Variants in GRIP1 observed in about 807,000 individuals in gnomAD.
GRIP1 encodes the protein glutamate receptor-interacting protein 1.
GRIP1 carries 45 observed loss-of-function variants against 129.9 expected under a neutral mutation model. The ratio of observed to expected loss-of-function variants is 0.35; its 90% CI spans 0.27 to 0.44. The LOEUF (loss-of-function observed/expected upper bound fraction) is 0.44. Among genes scored for constraint, GRIP1 ranks in the 20% least tolerant of loss-of-function variants. The pLI is 1.00. For synonymous variants in GRIP1, 530 were observed against 520.8 expected (o/e 1.02, Z -0.24); for missense variants, 1,196 against 1,396.8 (o/e 0.86, Z 2.29).
rs576781229 is a variant in GRIP1 at position 66,864,428 on chromosome 12, G to A, written c.58+204622C>T. On this transcript the variant is annotated intron_variant, in intron 1 of 1. Coordinates refer to the GRIP1 transcript ENST00000643019. ...CATATAAAATAATTTTTAAAGGTCT[G>A]TTTAGGGCTGGGTGTGGTGGCTCAC... Among the ~76,000 whole-genome samples, 17 of 152,222 alleles carry A rather than the reference G, an allele frequency of 1.1e-4. No individual in the cohort carries two copies. In the South Asian group the frequency reaches 3.3e-3, roughly 30 times the overall value.
At chr12:66,854,981 T>C (rs891380711) in intron 1 of GRIP1, among the ~76,000 whole-genome samples, 1 of 152,080 alleles carries the variant, frequency 6.6e-6, no homozygotes, top group Non-Finnish European at 1.5e-5. Flanking sequence ...TTTGTCAACA[T>C]CATTACTACT....
At chr12:66,491,622 A>G (rs950219872) in intron 7 of GRIP1, among the ~76,000 whole-genome samples, 11 of 152,232 alleles carry the variant, frequency 7.2e-5, no homozygotes, top group African/African-American at 2.7e-4. Context: ...CCCTGAACTT[A>G]AGAGTTGAAG....
At chr12:66,574,665 T>C (rs1469889509) in intron 2 of GRIP1, among the ~76,000 whole-genome samples, 3 of 152,224 alleles carry the variant, frequency 2.0e-5, no homozygotes, top group African/African-American at 7.2e-5. Flanking sequence ...ATCTTCAACA[T>C]GCATCTCTGT....
chr12:66,957,873 G>A (rs2041866326), intron 1 of GRIP1, among the ~76,000 whole-genome samples: 2 of 152,078 alleles, frequency 1.3e-5, no homozygotes, highest in African/African-American at 2.4e-5. Flanking sequence ...CTTAAGAAGT[G>A]GAGATTTATA....
At chr12:66,384,582 A>G (rs1434970565) in intron 19 of GRIP1, among the ~76,000 whole-genome samples, 4 of 152,226 alleles carry the variant, frequency 2.6e-5, no homozygotes, top group Non-Finnish European at 5.9e-5. Flanking sequence ...AACCATCAAA[A>G]GAGGGTTTTT....
intron 22 of GRIP1, among the ~76,000 whole-genome samples, chr12:66,375,209 TAA>T (rs2055728492): frequency 6.6e-6 from 1 of 152,182 alleles, no homozygotes; most frequent in Non-Finnish European, 1.5e-5. Flanking sequence ...AAATATCTGA[TAA>T]GAGAGGTTAA....
At chr12:66,740,236 C>A (rs74364362) in intron 1 of GRIP1, among the ~76,000 whole-genome samples, 5 of 152,106 alleles carry the variant, frequency 3.3e-5, no homozygotes, top group East Asian at 1.9e-4. Flanking sequence ...TTCTGTCTGG[C>A]CTTCCTAGCC....
Position 66,897,475 on chromosome 12 carries a change from T to C in GRIP1, c.58+171575A>G, listed in dbSNP as rs568768574. Among the ~76,000 whole-genome samples the C allele has an allele frequency of 2.0e-5, 3 of 152,246 alleles. No individual in the cohort carries two copies. The South Asian group carries it at 6.2e-4, about 32-fold the overall frequency. ...TATAATACCATTTAGGTCAGAAAAA[T>C]ACAATGTTCCCTTAATTAAGACCCA... is the stretch of plus-strand genomic sequence containing the variant. On this transcript the variant is annotated intron_variant, in intron 1 of 1. Transcript: ENST00000643019.
intron 1 of GRIP1, among the ~76,000 whole-genome samples, chr12:66,633,964 G>C (rs1309612374): frequency 6.6e-6 from 1 of 152,210 alleles, no homozygotes; most frequent in Non-Finnish European, 1.5e-5. Context: ...AGAGGCATAT[G>C]ATTCATATCC....
intron 13 of GRIP1, among the ~76,000 whole-genome samples, chr12:66,435,036 C>T (rs868093123): frequency 7.2e-5 from 11 of 152,066 alleles, no homozygotes; most frequent in Non-Finnish European, 1.3e-4. Context: ...CACATTGATT[C>T]GGTAGAGGAA....
intron 1 of GRIP1, among the ~76,000 whole-genome samples, chr12:66,780,815 C>G (rs1379836528): frequency 1.3e-5 from 2 of 152,152 alleles, no homozygotes; most frequent in African/African-American, 4.8e-5. Flanking sequence ...ATCTTGGAAC[C>G]CAGCTGTCAT....
At chr12:66,919,630 A>T (rs1401365443) in intron 1 of GRIP1, among the ~76,000 whole-genome samples, 1 of 152,302 alleles carries the variant, frequency 6.6e-6, no homozygotes, top group Admixed American at 6.5e-5. Context: ...AATGACACCA[A>T]TGAAATGAAG....
intron 1 of GRIP1, among the ~76,000 whole-genome samples, chr12:66,941,316 T>C (rs1219203730): frequency 2.0e-5 from 3 of 152,164 alleles, no homozygotes; most frequent in Non-Finnish European, 4.4e-5. Context: ...AAACACCCCA[T>C]GGAGGTTACA....
intron 1 of GRIP1, among the ~76,000 whole-genome samples, chr12:66,666,243 T>G (rs939271167): frequency 1.3e-5 from 2 of 152,168 alleles, no homozygotes; most frequent in Non-Finnish European, 2.9e-5. Context: ...GAGAATCAAA[T>G]ACTATGATGG....
intron 1 of GRIP1, among the ~76,000 whole-genome samples, chr12:66,794,677 T>C (rs916453315): frequency 1.3e-5 from 2 of 152,200 alleles, no homozygotes; most frequent in African/African-American, 2.4e-5. Flanking sequence ...AATTACTCTG[T>C]TGTTAGAGAT....
At chr12:66,414,903 T>G (rs868662496) in intron 15 of GRIP1, among the ~76,000 whole-genome samples, 6 of 137,946 alleles carry the variant, frequency 4.3e-5, no homozygotes, top group Non-Finnish European at 9.0e-5. Flanking sequence ...ATGCAGAAAA[T>G]TAAAACTGGA....
At chr12:66,366,746 C>T (rs1302442559) in intron 23 of GRIP1, among the ~76,000 whole-genome samples, 1 of 152,184 alleles carries the variant, frequency 6.6e-6, no homozygotes, top group Admixed American at 6.5e-5. Context: ...TGCACTGGCT[C>T]AATCACAGTT....
intron 7 of GRIP1, among the ~76,000 whole-genome samples, chr12:66,487,441 T>A (rs577574696): frequency 6.6e-6 from 1 of 152,128 alleles, no homozygotes; most frequent in African/African-American, 2.4e-5. Flanking sequence ...AGGGAATTCA[T>A]CACCACCTCA....
At chr12:66,435,981 G>A (rs1038515714) in intron 13 of GRIP1, among the ~76,000 whole-genome samples, 1 of 151,736 alleles carries the variant, frequency 6.6e-6, no homozygotes, top group Non-Finnish European at 1.5e-5. Flanking sequence ...ATTTAATTTG[G>A]GGTTTCTTAA....
Sources: allele counts gnomAD v4.1 joint callset (sites outside exome capture counted in the v4.1 genomes callset), GRCh38; gene constraint gnomAD v4.1.1; transcripts MANE v1.5; gene names NCBI Gene and HGNC (gene_info 2026-07-23, HGNC 2026-07-21).